SFMBT2: variants seen among roughly 807,000 people sequenced by gnomAD.
SFMBT2 encodes the protein Scm like with four mbt domains 2, also known as scm-like with four MBT domains protein 2.
SFMBT2 carries 38 observed loss-of-function variants against 110.1 expected under a neutral mutation model. That is an observed-to-expected ratio of 0.35 (90% CI 0.27 to 0.45). The LOEUF is 0.45. Ranked by LOEUF, SFMBT2 falls within the 20% of genes least tolerant of loss-of-function variation. The probability of loss-of-function intolerance (pLI) is 1.00; values close to 1 mark genes in which losing one functional copy is unlikely to be tolerated. For synonymous variants in SFMBT2, 425 were observed against 425.4 expected (o/e 1.00, Z 0.01); for missense variants, 1,011 against 1,094.9 (o/e 0.92, Z 1.08).
At chr10:7,262,056 T>G (rs2131776680) in intron 7 of SFMBT2, among the ~76,000 whole-genome samples, 1 of 152,356 alleles carries the variant, frequency 6.6e-6, no homozygotes, top group East Asian at 1.9e-4. Flanking sequence ...GCTCCCCTTA[T>G]TACATGGGGT....
intron 2 of SFMBT2, among the ~76,000 whole-genome samples, chr10:7,375,892 G>A (rs760688792): frequency 2.6e-5 from 4 of 152,048 alleles, no homozygotes; most frequent in Non-Finnish European, 5.9e-5. Flanking sequence ...AGTTCCCAGC[G>A]TGAAGAGTGA....
intron 4 of SFMBT2, among the ~76,000 whole-genome samples, chr10:7,338,014 T>A (rs1196035906): frequency 6.6e-6 from 1 of 152,218 alleles, no homozygotes; most frequent in Non-Finnish European, 1.5e-5. Flanking sequence ...CTTTAACACT[T>A]TGATGTCTCC....
intron 9 of SFMBT2, among the ~76,000 whole-genome samples, chr10:7,235,333 C>G (rs1564398448): frequency 1.3e-5 from 2 of 152,086 alleles, no homozygotes; most frequent in South Asian, 4.1e-4. Flanking sequence ...AAATAACAAC[C>G]ACCACTGAAA....
intron 2 of SFMBT2, among the ~76,000 whole-genome samples, chr10:7,378,453 G>A (rs1588495211): frequency 3.3e-5 from 2 of 60,908 alleles, no homozygotes; most frequent in African/African-American, 9.0e-5. Flanking sequence ...GGGTGTATGT[G>A]TGGATGGGTG....
At chr10:7,313,693 G>A (rs557389695) in intron 4 of SFMBT2, among the ~76,000 whole-genome samples, 13 of 152,000 alleles carry the variant, frequency 8.6e-5, no homozygotes, top group South Asian at 2.1e-4. Context: ...TTTGTTGCCC[G>A]GGCTGGTCTT....
chr10:7,206,043 A>AAAAAAC (rs139523212), intron 11 of SFMBT2, 115 bp from the exon 12 acceptor site: 15 of 1,412,336 alleles, frequency 1.1e-5, no homozygotes, highest in African/African-American at 8.7e-5. Context: ...TTTATACATT[A>AAAAAAC]AAAAACAAAA....
intron 7 of SFMBT2, among the ~76,000 whole-genome samples, chr10:7,269,049 GA>G (rs5782960): frequency 0.77 from 116,658 of 151,778 alleles, 45,156 homozygotes; most frequent in East Asian, 0.91. Flanking sequence ...TCGTCTTCAA[GA>G]AAAAAAAAGT....
At chr10:7,199,089 C>T (rs1209879241) in intron 14 of SFMBT2, among the ~76,000 whole-genome samples, 2 of 152,172 alleles carry the variant, frequency 1.3e-5, no homozygotes, top group Admixed American at 6.5e-5. Context: ...AGCAATTCTC[C>T]TGCCTGAGCC....
chr10:7,346,866 A>G (rs1390060116), intron 4 of SFMBT2, among the ~76,000 whole-genome samples: 1 of 151,712 alleles, frequency 6.6e-6, no homozygotes, highest in African/African-American at 2.4e-5. Flanking sequence ...GGCGCCTGTA[A>G]TCCCAGCTAC....
Position 7,284,255 on chromosome 10 carries a change from T to C in SFMBT2, c.526-105A>G, listed in dbSNP as rs1842025505. 33 of 1,524,182 alleles carry C rather than the reference T, an allele frequency of 2.2e-5. No homozygotes were observed. The South Asian group carries it at 4.1e-4, about 19-fold the overall frequency. 94.4% of individuals were successfully genotyped at this position (1,524,182 alleles called of 1,614,324 possible). A position where few individuals can be genotyped will look rare whatever the true frequency, so the allele number is the denominator to read the frequency against. The stretch of plus-strand genomic sequence containing the variant: ...TATTTTTTCACACCATCATCCAAGG[T>C]ACTGGCGAACAGTCTGGCGTTCCCT... On this transcript the variant is annotated intron_variant, in intron 5 of 20. Coordinates refer to ENST00000397167, the MANE Select transcript of SFMBT2 (RefSeq NM_001387889.1).
At chr10:7,370,462 A>G in intron 2 of SFMBT2, 87 bp from the exon 3 acceptor site, 1 of 1,109,498 alleles carries the variant, frequency 9.0e-7, no homozygotes, top group South Asian at 1.3e-5. Flanking sequence ...AAAATCCTTC[A>G]TACAAGACAC....
intron 4 of SFMBT2, among the ~76,000 whole-genome samples, chr10:7,317,440 C>A (rs1415305633): frequency 2.6e-5 from 4 of 152,024 alleles, no homozygotes; most frequent in Non-Finnish European, 5.9e-5. Flanking sequence ...GCCAGGAGTT[C>A]AAGACCAGCC....
intron 4 of SFMBT2, among the ~76,000 whole-genome samples, chr10:7,316,920 T>G (rs1369719414): frequency 6.6e-6 from 1 of 152,124 alleles, no homozygotes; most frequent in African/African-American, 2.4e-5. Flanking sequence ...CACATACATA[T>G]GTGCATGCCT....
intron 4 of SFMBT2, among the ~76,000 whole-genome samples, chr10:7,326,060 A>G (rs143045246): frequency 1.2e-3 from 190 of 152,352 alleles, no homozygotes; most frequent in African/African-American, 4.3e-3. Flanking sequence ...GTACACTGAT[A>G]TGTATGTGTT....
intron 12 of SFMBT2, chr10:7,204,198 A>C (rs984530198): frequency 6.0e-6 from 2 of 335,186 alleles, no homozygotes; most frequent in Non-Finnish European, 8.5e-6. Flanking sequence ...GCTGTCTCTA[A>C]TCTGAACTAC....
At chr10:7,300,097 G>A (rs545854111) in intron 4 of SFMBT2, among the ~76,000 whole-genome samples, 7 of 152,156 alleles carry the variant, frequency 4.6e-5, no homozygotes, top group South Asian at 4.2e-4. Flanking sequence ...GTTCTCACTC[G>A]TAAGTGGGAG....
intron 11 of SFMBT2, among the ~76,000 whole-genome samples, chr10:7,218,465 A>G: frequency 6.6e-6 from 1 of 152,252 alleles, no homozygotes; most frequent in Non-Finnish European, 1.5e-5. Context: ...CATGATTTTG[A>G]GCAATAATTA....
Position 7,228,778 on chromosome 10 carries a change from CTCT to C in SFMBT2, c.1121-844_1121-842del, listed in dbSNP as rs879553953. On this transcript the variant is annotated intron_variant, in intron 9 of 20. Coordinates refer to ENST00000397167, the MANE Select transcript of SFMBT2 (RefSeq NM_001387889.1). The stretch of plus-strand genomic sequence containing the variant: ...TCTCTCTCTCTCTCTCTCTCTCTCT[CTCT>C]CCCCCTCCCTCTCTCTCTCTCTTTC... 3.3e-3 allele frequency among the ~76,000 whole-genome samples: 433 copies of C among 132,164 alleles called. 7 individuals carry two copies. Among genetic ancestry groups the C allele is most frequent in the Non-Finnish European group, 5.6e-3 (328 of 58,296 alleles). 86.7% of individuals were successfully genotyped at this position (132,164 alleles called of 152,430 possible). A position where few individuals can be genotyped will look rare whatever the true frequency, so the allele number is the denominator to read the frequency against.
At chr10:7,329,979 T>G (rs1279633612) in intron 4 of SFMBT2, among the ~76,000 whole-genome samples, 1 of 152,150 alleles carries the variant, frequency 6.6e-6, no homozygotes, top group Non-Finnish European at 1.5e-5. Flanking sequence ...CAGATTTTAA[T>G]ACCATGGTTA....
Sources: gnomAD v4.1 joint callset for allele counts (sites outside exome capture counted in the v4.1 genomes callset) on GRCh38, gnomAD v4.1.1 for gene constraint, MANE v1.5 for transcripts, NCBI Gene and HGNC (gene_info 2026-07-23, HGNC 2026-07-21) for gene names.